Variants in CFAP46 observed in about 807,000 individuals in gnomAD.
The protein encoded by CFAP46 is cilia and flagella associated protein 46.
Under a neutral mutation model 325.7 loss-of-function variants are expected in CFAP46, and 245 were observed. The ratio of observed to expected loss-of-function variants is 0.75; its 90% CI spans 0.68 to 0.84. CFAP46 has a LOEUF of 0.84. CFAP46 is among the 40% of genes least tolerant of loss of function. The pLI is 0.00. For missense variants in CFAP46, 3,346 were observed against 3,543.0 expected, an observed-to-expected ratio of 0.94 and a Z score of 1.41; for synonymous variants, 1,523 against 1,495.9, an observed-to-expected ratio of 1.02 and a Z score of -0.42.
intron 10 of CFAP46, 49 bp from the exon 11 acceptor site, chr10:132,924,935 C>T (rs1171488853): frequency 2.9e-5 from 39 of 1,355,230 alleles, no homozygotes; most frequent in African/African-American, 6.1e-5. Flanking sequence ...GCTCGAGCTG[C>T]GGGGCTGGGG....
rs144826842 is a variant in CFAP46, at chr10:132,881,729, C to T, written c.3628-697G>A. The stretch of plus-strand genomic sequence containing the variant: ...CCCTCCACAGGTGCTGCTGGGGCCA[C>T]GGCCACACTCTTCTCCAGCAGGGTG... On this transcript the variant is annotated intron_variant, in intron 27 of 57. Coordinates refer to ENST00000368586, the MANE Select transcript of CFAP46 (RefSeq NM_001200049.3). 4.5e-4 allele frequency among the ~76,000 whole-genome samples: 68 copies of T among 152,324 alleles called. 1 individual carries two copies. Among genetic ancestry groups the T allele is most frequent in the East Asian group, 3.5e-3 (18 of 5,166 alleles).
intron 8 of CFAP46, 101 bp downstream of exon 8, chr10:132,934,651 G>A (rs1005871506): frequency 2.5e-6 from 2 of 794,098 alleles, no homozygotes; most frequent in Non-Finnish European, 4.2e-6. Flanking sequence ...TGCAAAGGTG[G>A]TTCTAGTTGC....
At chr10:132,851,401 A>G (rs2135144857) in intron 39 of CFAP46, 96 bp from the exon 40 acceptor site, 1 of 1,208,254 alleles carries the variant, frequency 8.3e-7, no homozygotes, top group South Asian at 1.5e-5. Flanking sequence ...GACGTAAGAA[A>G]CTCATAACAA....
intron 35 of CFAP46, among the ~76,000 whole-genome samples, chr10:132,865,548 GACCGTA>G (rs901824990): frequency 1.3e-5 from 2 of 152,222 alleles, no homozygotes; most frequent in African/African-American, 4.8e-5. Context: ...TTTCGCTGGG[GACCGTA>G]AGGGTCCCAT....
chr10:132,824,173 T>C (rs1400312935), intron 50 of CFAP46, among the ~76,000 whole-genome samples: 1 of 138,348 alleles, frequency 7.2e-6, no homozygotes, highest in Non-Finnish European at 1.6e-5. Context: ...GTGTGCTGTG[T>C]GAGCGCTGAT....
At chr10:132,920,318 G>A (rs556543739) in intron 13 of CFAP46, 136 bp from the exon 14 acceptor site, 50 of 1,144,272 alleles carry the variant, frequency 4.4e-5, no homozygotes, top group Middle Eastern at 3.0e-4. Context: ...CTAGATCCCC[G>A]GCTCCCAGAA....
chr10:132,891,882 C>A (rs1278182536), intron 25 of CFAP46, among the ~76,000 whole-genome samples: 1 of 152,158 alleles, frequency 6.6e-6, no homozygotes. Flanking sequence ...GTTGTCCCAC[C>A]TTCTGGACCA....
In CFAP46 at chr10:132,847,057, G is replaced by T; in HGVS notation, c.6142C>A (p.Gln2048Lys). 6.2e-7 allele frequency: 1 copy of T among 1,612,654 alleles called. No individual in the cohort carries two copies. The highest frequency in any genetic ancestry group is 8.5e-7 in the Non-Finnish European group (1 of 1,179,912). The change falls in exon 43 of 58, where the codon CAG (glutamine) becomes AAG (lysine). Residue 2048 changes from glutamine (Q) to lysine (K), a missense_variant. By Grantham distance (53) the Gln-to-Lys change is moderately conservative (BLOSUM62 1). Transcript: ENST00000368586. The surrounding 1 kb of genome is among the most constrained non-coding windows in gnomAD (Gnocchi z 5.2). The stretch of plus-strand genomic sequence containing the variant: ...CTGCCAAGGGCCACCTGTAGGCACT[G>T]CAGCAGCACCTCTGACGCCTGAGCC... ...YLAQASEVLL[Q>K]CLQVALGSGL...
At chr10:132,898,427 G>A in intron 24 of CFAP46, 1 of 252,216 alleles carries the variant, frequency 4.0e-6, no homozygotes, top group East Asian at 1.0e-4. Context: ...AGCCCTAGAA[G>A]GAGGTGCACT....
At chr10:132,830,092 G>A (rs1399625464) in intron 50 of CFAP46, among the ~76,000 whole-genome samples, 1 of 151,810 alleles carries the variant, frequency 6.6e-6, no homozygotes, top group East Asian at 1.9e-4. Context: ...GCTGTGGGAG[G>A]ATGTGTGTAG....
chr10:132,937,969 G>C (rs1019091554), intron 5 of CFAP46, among the ~76,000 whole-genome samples: 1 of 152,230 alleles, frequency 6.6e-6, no homozygotes, highest in Non-Finnish European at 1.5e-5. Flanking sequence ...CAGGCTGTGG[G>C]CTTGGTGCCG....
At chr10:132,834,803 G>A (rs570786149) in intron 47 of CFAP46, 28 bp from the exon 48 acceptor site, 44 of 1,603,254 alleles carry the variant, frequency 2.7e-5, no homozygotes, top group East Asian at 4.5e-5. Context: ...AGAGGCCCCC[G>A]TAGCAAACAG....
At chr10:132,809,491 C>T (rs561742049) in intron 57 of CFAP46, among the ~76,000 whole-genome samples, 2 of 152,214 alleles carry the variant, frequency 1.3e-5, no homozygotes, top group East Asian at 1.9e-4. Context: ...CCTCTCTCCC[C>T]CAACAAGCAG....
At position 132,850,314 on chromosome 10, in the gene CFAP46, C is replaced by G. The variant is rs537363256; in HGVS notation, c.5882G>C (p.Arg1961Thr). The change falls in exon 41 of 58, where the codon AGG (arginine) becomes ACG (threonine). Residue 1961 changes from arginine (R) to threonine (T), a missense_variant. Physicochemically the swap from Arg to Thr is moderately conservative, Grantham distance 71. Coordinates refer to ENST00000368586, the MANE Select transcript of CFAP46 (RefSeq NM_001200049.3). Reference protein sequence around the residue: ...IRARLLGLAGRALHLLAMQAD... With the variant: ...IRARLLGLAGTALHLLAMQAD... Reference sequence around the variant, plus strand: ...TTGCATGGCCAGCAGGTGCAGGGCCCTCCCGGCCAGGCCCAGGAGCCGGGC... The same window carrying G: ...TTGCATGGCCAGCAGGTGCAGGGCCGTCCCGGCCAGGCCCAGGAGCCGGGC... 1.7e-5 allele frequency: 26 copies of G among 1,551,608 alleles called. No individual in the cohort carries two copies. In the East Asian group the frequency reaches 5.1e-4, roughly 31 times the overall value.
intron 36 of CFAP46, 54 bp from the exon 37 acceptor site, chr10:132,860,577 T>A (rs1848706721): frequency 7.3e-7 from 1 of 1,378,712 alleles, no homozygotes; most frequent in South Asian, 1.2e-5. Flanking sequence ...CAGGCATGGA[T>A]ACAGGCCTGA....
At chr10:132,922,344 A>G (rs1849736968) in intron 12 of CFAP46, 120 bp from the exon 13 acceptor site, 1 of 1,461,384 alleles carries the variant, frequency 6.8e-7, no homozygotes, top group Admixed American at 2.4e-5. Context: ...TCATAGACAC[A>G]GTGACAGCTC....
At position 132,808,920 on chromosome 10, in the gene CFAP46, C is replaced by T. The variant is rs374534356; in HGVS notation, c.7665-16G>A. 7.9e-5 allele frequency: 123 copies of T among 1,558,364 alleles called. No individual in the cohort carries two copies. In the Admixed American group the frequency reaches 1.5e-3, roughly 19 times the overall value. On this transcript the variant is annotated splice_polypyrimidine_tract_variant and intron_variant, in intron 57 of 57. Transcript: ENST00000368586. The surrounding 1 kb of genome is among the most constrained non-coding windows in gnomAD (Gnocchi z 6.8). ...GAAGCCTCGTCTGTGGAGAAAGGGG[C>T]GGGAGCTATGAACCCCGAGGCCCCG... is the stretch of plus-strand genomic sequence containing the variant.
In CFAP46 at chr10:132,866,200, C is replaced by T. The variant is rs542222956; in HGVS notation, c.4744-29G>A. 242 of 1,487,570 alleles carry T rather than the reference C, an allele frequency of 1.6e-4. 6 individuals carry two copies. The South Asian group carries it at 2.2e-3, about 13-fold the overall frequency. The allele number at this position is 1,487,570 out of a possible 1,614,324, so 92.1% of individuals were successfully genotyped here. Reference sequence around the variant, plus strand: ...TAAGATACCGCAGCCCCAGGCGGCACGATCCTGACACTTGTGACCTCTGAG... The same window carrying T: ...TAAGATACCGCAGCCCCAGGCGGCATGATCCTGACACTTGTGACCTCTGAG... On this transcript the variant is annotated intron_variant, in intron 34 of 57. Transcript: ENST00000368586.
intron 22 of CFAP46, among the ~76,000 whole-genome samples, chr10:132,904,857 C>A (rs537146391): frequency 7.9e-5 from 12 of 152,344 alleles, no homozygotes; most frequent in African/African-American, 2.6e-4. Context: ...GACCTACAGG[C>A]TCCTTACGAG....
Sources: allele counts gnomAD v4.1 joint callset (sites outside exome capture counted in the v4.1 genomes callset), GRCh38; gene constraint gnomAD v4.1.1; non-coding constraint Gnocchi (gnomAD v3.1); transcripts MANE v1.5; gene names NCBI Gene and HGNC (gene_info 2026-07-23, HGNC 2026-07-21).